Variants in LOC114841035 observed in about 807,000 individuals in gnomAD.
the LOC114841035 span, chr11:64,244,073 A>G: frequency 3.2e-6 from 5 of 1,564,240 alleles, no homozygotes; most frequent in Non-Finnish European, 4.4e-6. Flanking sequence ...ATCAGGGACC[A>G]GACTGTTCCA....
chr11:64,242,387 CAT>C, the LOC114841035 span: 1 of 1,526,894 alleles, frequency 6.5e-7, no homozygotes, highest in Non-Finnish European at 8.8e-7. Flanking sequence ...CCCACAGAGA[CAT>C]GAGGCTGAGC....
chr11:64,242,772 G>C, the LOC114841035 span, among the ~76,000 whole-genome samples: 1 of 152,170 alleles, frequency 6.6e-6, no homozygotes, highest in African/African-American at 2.4e-5. Context: ...CCAAGGCTCT[G>C]TCCTCTTAAA....
the LOC114841035 span, chr11:64,243,918 CA>C: frequency 6.2e-7 from 1 of 1,613,990 alleles, no homozygotes; most frequent in Non-Finnish European, 8.5e-7. Context: ...GCAGCCAGCC[CA>C]CCTCCCTGTG....
the LOC114841035 span, among the ~76,000 whole-genome samples, chr11:64,241,433 G>A: frequency 3.3e-5 from 5 of 151,982 alleles, no homozygotes; most frequent in Non-Finnish European, 5.9e-5. Flanking sequence ...GGGGGACGGA[G>A]CCTGGCTCTT....
chr11:64,242,166 T>TC, the LOC114841035 span: 1 of 472,018 alleles, frequency 2.1e-6, no homozygotes, highest in Non-Finnish European at 3.7e-6. Flanking sequence ...CCTGACCCCC[T>TC]CCCCCCGCTG....
chr11:64,244,048 G>A, the LOC114841035 span: 3 of 1,613,036 alleles, frequency 1.9e-6, no homozygotes, highest in Non-Finnish European at 2.5e-6. Context: ...GGGAGGGGCA[G>A]GGGGAGAGGC....
At chr11:64,243,810 CACTG>C in the LOC114841035 span, 9 of 1,613,814 alleles carry the variant, frequency 5.6e-6, no homozygotes, top group Middle Eastern at 1.6e-4. Context: ...GCTTGGCCAT[CACTG>C]ACTGTTTCTT....
chr11:64,243,141 G>A, the LOC114841035 span: 1 of 1,491,522 alleles, frequency 6.7e-7, no homozygotes, highest in Non-Finnish European at 9.3e-7. Context: ...AAGCAGCTGA[G>A]GGAGGGGGTG....
At chr11:64,243,258 C>T in the LOC114841035 span, 3 of 1,612,884 alleles carry the variant, frequency 1.9e-6, no homozygotes, top group South Asian at 2.2e-5. Flanking sequence ...AGCCCTTTGT[C>T]TTCTCCCTTG....
the LOC114841035 span, chr11:64,241,556 C>G: frequency 6.5e-6 from 1 of 152,730 alleles, no homozygotes; most frequent in Admixed American, 6.5e-5. Context: ...GGCTACGGCT[C>G]CGGAAAAGGG....
the LOC114841035 span, chr11:64,241,941 C>G: frequency 6.4e-6 from 1 of 155,378 alleles, no homozygotes; most frequent in East Asian, 1.9e-4. Flanking sequence ...GGCCGGCCCC[C>G]TGCAGCGGCC....
the LOC114841035 span, chr11:64,242,205 A>C: frequency 3.7e-6 from 2 of 542,796 alleles, no homozygotes; most frequent in Non-Finnish European, 3.0e-6. Flanking sequence ...CCCCCTTCTC[A>C]CTGGACTGGT....
the LOC114841035 span, chr11:64,243,427 G>T: frequency 6.2e-7 from 1 of 1,613,982 alleles, no homozygotes; most frequent in Non-Finnish European, 8.5e-7. Context: ...TGCTGCCATG[G>T]GCTGAGCATG....
chr11:64,242,097 G>A, the LOC114841035 span: 1 of 351,684 alleles, frequency 2.8e-6, no homozygotes, highest in Non-Finnish European at 5.2e-6. Flanking sequence ...GTGGGGACTG[G>A]GAGGGAGGGA....
At chr11:64,244,105 A>C in the LOC114841035 span, 2 of 1,529,472 alleles carry the variant, frequency 1.3e-6, no homozygotes, top group Non-Finnish European at 1.8e-6. Context: ...AAAAACAAAA[A>C]CAAACAAAAA....
the LOC114841035 span, chr11:64,244,107 A>G: frequency 6.7e-7 from 1 of 1,500,228 alleles, no homozygotes; most frequent in Non-Finnish European, 9.2e-7. Context: ...AAACAAAAAC[A>G]AACAAAAAAA....
At chr11:64,241,696 C>T in the LOC114841035 span, 1 of 152,226 alleles carries the variant, frequency 6.6e-6, no homozygotes, top group Admixed American at 6.5e-5. Context: ...GGGGTGGTCT[C>T]CGTGGTGGCC....
At chr11:64,243,954 C>T in the LOC114841035 span, 5 of 1,614,006 alleles carry the variant, frequency 3.1e-6, no homozygotes, top group East Asian at 2.2e-5. Flanking sequence ...TTTGACTCCC[C>T]TTCTCCCCTA....
chr11:64,243,936 G>C, the LOC114841035 span: 2 of 1,614,054 alleles, frequency 1.2e-6, no homozygotes, highest in Non-Finnish European at 1.7e-6. Context: ...TGTGGCCCTG[G>C]TTGGCATTTT....
Sources: allele counts gnomAD v4.1 joint callset (sites outside exome capture counted in the v4.1 genomes callset), GRCh38; gene constraint gnomAD v4.1.1; transcripts MANE v1.5.